IGFBP3: variants seen among roughly 807,000 people sequenced by gnomAD.
IGFBP3 encodes the protein insulin-like growth factor-binding protein 3.
Under a neutral mutation model 28.6 loss-of-function variants are expected in IGFBP3, and 9 were observed. The ratio of observed to expected loss-of-function variants is 0.31; its 90% CI spans 0.19 to 0.55. The LOEUF (loss-of-function observed/expected upper bound fraction) is 0.55. IGFBP3 is among the 20% of genes least tolerant of loss of function. IGFBP3 has a pLI of 0.93. For missense variants in IGFBP3, 382 were observed against 428.9 expected (o/e 0.89, Z 0.97); for synonymous variants, 185 against 188.2 (o/e 0.98, Z 0.14).
At chr7:45,914,197 A>G (rs978231301) in intron 4 of IGFBP3, 1 of 152,232 alleles carries the variant, frequency 6.6e-6, no homozygotes, top group African/African-American at 2.4e-5. Flanking sequence ...AAGAAAAAAG[A>G]AGACTGGATA....
rs533297610 is a variant in IGFBP3 at position 45,913,821 on chromosome 7, G to C, written c.*29C>G. On this transcript the variant is annotated 3_prime_UTR_variant, in exon 5 of 5. Transcript: ENST00000613132. ...CTTTTGTGCAAAATAAGGCATATTT[G>C]AGCTCCACATTAACTAAAACAAAAA... is the stretch of plus-strand genomic sequence containing the variant. 26 of 152,540 alleles carry C rather than the reference G, an allele frequency of 1.7e-4. No homozygotes were observed. The highest frequency in any genetic ancestry group is 5.8e-4 in the African/African-American group (24 of 41,548). 9.4% of individuals were successfully genotyped at this position (152,540 alleles called of 1,614,324 possible). A position where few individuals can be genotyped will look rare whatever the true frequency, so the allele number is the denominator to read the frequency against.
chr7:45,916,446 T>C, intron 3 of IGFBP3, 102 bp downstream of exon 3: 3 of 1,231,704 alleles, frequency 2.4e-6, no homozygotes, highest in Non-Finnish European at 3.5e-6. Flanking sequence ...CTGCACAGGC[T>C]CAGAGTTAGA....
chr7:45,912,675 A>T lies in IGFBP3; in HGVS notation c.*1175T>A, dbSNP rs987356458. 1.3e-5 allele frequency: 2 copies of T among 152,432 alleles called. No individual in the cohort carries two copies. Among genetic ancestry groups the T allele is most frequent in the Admixed American group, 1.3e-4 (2 of 15,260 alleles). The allele number at this position is 152,432 out of a possible 1,614,324, so 9.4% of individuals were successfully genotyped here. A position where few individuals can be genotyped will look rare whatever the true frequency, so the allele number is the denominator to read the frequency against. ...TATCATATAGCATCTCTAACATTTC[A>T]TCTAGGATTATCTAGTATAGATCTT... On this transcript the variant is annotated 3_prime_UTR_variant, in exon 5 of 5. Coordinates refer to ENST00000613132, the MANE Select transcript of IGFBP3 (RefSeq NM_000598.5).
At chr7:45,917,115 G>T in intron 2 of IGFBP3, 98 bp downstream of exon 2, 2 of 960,148 alleles carry the variant, frequency 2.1e-6, no homozygotes, top group Non-Finnish European at 3.3e-6. Context: ...TCAGCCAGGC[G>T]CTGGGGTTTG....
chr7:45,917,328 A>G lies in IGFBP3; in HGVS notation c.515T>C (p.Ile172Thr), dbSNP rs1264460501. ...AGCATGCCCTTTCTTGATGATGATT[A>G]TCTTTGAATGGAGGGGGTGGAACTT... ...DPKFHPLHSK[I>T]IIIKKGHAKD... Residue 172 changes from isoleucine (I) to threonine (T), a missense_variant, in exon 2 of 5, where the codon ATA (isoleucine) becomes ACA (threonine). By Grantham distance (89) the Ile-to-Thr change is moderately conservative. Coordinates refer to ENST00000613132, the MANE Select transcript of IGFBP3 (RefSeq NM_000598.5). 19 of 1,614,074 alleles carry G rather than the reference A, an allele frequency of 1.2e-5. No individual in the cohort carries two copies. The highest frequency in any genetic ancestry group is 1.5e-5 in the Non-Finnish European group (18 of 1,179,988).
intron 1 of IGFBP3, 111 bp from the exon 2 acceptor site, chr7:45,917,550 C>T (rs1784625784): frequency 2.4e-6 from 2 of 821,800 alleles, no homozygotes; most frequent in Non-Finnish European, 3.6e-6. Context: ...TATTAGTTGG[C>T]AATCCAAGTG....
Position 45,912,375 on chromosome 7 carries a change from TTTAC to T in IGFBP3, c.*1471_*1474del, listed in dbSNP as rs1331536173. ...TATTTTTTTAATGGTAAAAACTTTATTTACTATTTATAAATACATTGCAAGACAA... is the reference window on the plus strand; with the variant it reads ...TATTTTTTTAATGGTAAAAACTTTATTATTTATAAATACATTGCAAGACAA... On this transcript the variant is annotated 3_prime_UTR_variant, in exon 5 of 5. Transcript: ENST00000613132. 1 of 152,020 alleles carries T rather than the reference TTTAC, an allele frequency of 6.6e-6. No individual in the cohort carries two copies. Among genetic ancestry groups the T allele is most frequent in the Non-Finnish European group, 1.5e-5 (1 of 68,020 alleles). 9.4% of individuals were successfully genotyped at this position (152,020 alleles called of 1,614,324 possible).
chr7:45,915,227 G>C, intron 3 of IGFBP3: 1 of 358,356 alleles, frequency 2.8e-6, no homozygotes, highest in Non-Finnish European at 5.2e-6. Context: ...AGAACCTCTT[G>C]ACTGACTTCT....
Position 45,920,920 on chromosome 7 carries a change from G to A in IGFBP3, c.221C>T (p.Ala74Val). ...EPGCGCCLTC[A>V]LSEGQPCGIY... is the part of the protein sequence containing the mutation. Reference sequence around the variant, plus strand: ...GCCGCACGGCTGGCCCTCGCTCAGTGCGCACGTCAGGCAGCAGCCGCAGCC... The same window carrying A: ...GCCGCACGGCTGGCCCTCGCTCAGTACGCACGTCAGGCAGCAGCCGCAGCC... The change falls in exon 1 of 5, where the codon GCA (alanine) becomes GTA (valine). Residue 74 changes from alanine (A) to valine (V), a missense_variant. Transcript: ENST00000613132. 7.0e-7 allele frequency: 1 copy of A among 1,425,508 alleles called. No homozygotes were observed. Among genetic ancestry groups the A allele is most frequent in the Admixed American group, 2.9e-5 (1 of 34,092 alleles). The allele number at this position is 1,425,508 out of a possible 1,614,324, so 88.3% of individuals were successfully genotyped here. A position where few individuals can be genotyped will look rare whatever the true frequency, so the allele number is the denominator to read the frequency against.
In IGFBP3 at chr7:45,921,223, C is replaced by T; in HGVS notation, c.-83G>A. Reference sequence around the variant, plus strand: ...AGTACACGGCGCGAAGCTGTGGAATCCAGGCAGGAAGCGGCTGATCCTCAG... The same window carrying T: ...AGTACACGGCGCGAAGCTGTGGAATTCAGGCAGGAAGCGGCTGATCCTCAG... On this transcript the variant is annotated 5_prime_UTR_variant, in exon 1 of 5. The change creates a premature stop within an existing upstream ORF in the 5' untranslated region. Transcript: ENST00000613132. 1.4e-6 allele frequency: 2 copies of T among 1,444,324 alleles called. No individual in the cohort carries two copies. The highest frequency in any genetic ancestry group is 1.9e-6 in the Non-Finnish European group (2 of 1,074,372). The allele number at this position is 1,444,324 out of a possible 1,614,324, so 89.5% of individuals were successfully genotyped here.
chr7:45,919,925 C>CG (rs1042357755), intron 1 of IGFBP3: 8 of 151,218 alleles, frequency 5.3e-5, no homozygotes, highest in African/African-American at 1.9e-4. Context: ...CATTCCCCCC[C>CG]CCATTTCAGA....
At chr7:45,915,571 T>C (rs975344453) in intron 3 of IGFBP3, among the ~76,000 whole-genome samples, 2 of 152,204 alleles carry the variant, frequency 1.3e-5, no homozygotes, top group African/African-American at 4.8e-5. Context: ...ACAAAGCCTA[T>C]AGAAGCATAT....
intron 1 of IGFBP3, chr7:45,919,920 C>CCA (rs1365122921): frequency 6.8e-6 from 1 of 147,034 alleles, no homozygotes; most frequent in African/African-American, 2.5e-5. Context: ...CATCTCATTC[C>CCA]CCCCCCCATT....
chr7:45,916,334 A>G (rs1225900092), intron 3 of IGFBP3, among the ~76,000 whole-genome samples: 1 of 152,182 alleles, frequency 6.6e-6, no homozygotes, highest in Non-Finnish European at 1.5e-5. Context: ...GAAAGGCACT[A>G]GGGTTGAGGA....
At chr7:45,918,294 G>C (rs1354469263) in intron 1 of IGFBP3, among the ~76,000 whole-genome samples, 1 of 151,538 alleles carries the variant, frequency 6.6e-6, no homozygotes, top group Non-Finnish European at 1.5e-5. Context: ...GTGGGGGTGG[G>C]GTAGGAGAAA....
chr7:45,915,648 G>A (rs1784599505), intron 3 of IGFBP3, among the ~76,000 whole-genome samples: 1 of 100,210 alleles, frequency 1.0e-5, no homozygotes, highest in Admixed American at 8.4e-5. Flanking sequence ...TGGGATTTTA[G>A]GCATATGACT....
chr7:45,918,567 C>A (rs559667748), intron 1 of IGFBP3, among the ~76,000 whole-genome samples: 1 of 152,304 alleles, frequency 6.6e-6, no homozygotes, highest in East Asian at 1.9e-4. Context: ...GGTCTGGAGG[C>A]ATCGGCTTAA....
intron 4 of IGFBP3, 170 bp downstream of exon 4, chr7:45,914,635 C>T: frequency 1.7e-6 from 1 of 594,514 alleles, no homozygotes. Context: ...TCTCCCTCTC[C>T]CTGCACCCTT....
intron 1 of IGFBP3, chr7:45,920,248 G>A (rs1784665813): frequency 6.4e-6 from 1 of 156,290 alleles, no homozygotes; most frequent in Admixed American, 6.5e-5. Context: ...ACTAGACATT[G>A]CTTTGCAAAC....
Sources: allele counts gnomAD v4.1 joint callset (sites outside exome capture counted in the v4.1 genomes callset), GRCh38; gene constraint gnomAD v4.1.1; transcripts MANE v1.5; gene names NCBI Gene and HGNC (gene_info 2026-07-23, HGNC 2026-07-21).